DCC: variants seen among roughly 807,000 people sequenced by gnomAD.
The protein encoded by DCC is netrin receptor DCC.
DCC carries 58 observed loss-of-function variants against 172.5 expected under a neutral mutation model. The observed-to-expected ratio is 0.34, with a 90% CI of 0.27 to 0.42. DCC has a LOEUF of 0.42. Among genes scored for constraint, DCC ranks in the 10% least tolerant of loss-of-function variants. The pLI is 1.00. For synonymous variants in DCC, 709 were observed against 644.5 expected (o/e 1.10, Z -1.52); for missense variants, 1,740 against 1,791.0 (o/e 0.97, Z 0.51).
intron 1 of DCC, among the ~76,000 whole-genome samples, chr18:52,356,643 C>T (rs1984375907): frequency 6.6e-6 from 1 of 151,996 alleles, no homozygotes; most frequent in Non-Finnish European, 1.5e-5. Flanking sequence ...ATCTTTTATC[C>T]ATATTCATCT....
At chr18:53,161,425 C>T (rs2054837997) in intron 8 of DCC, among the ~76,000 whole-genome samples, 2 of 152,132 alleles carry the variant, frequency 1.3e-5, no homozygotes, top group Admixed American at 1.3e-4. Flanking sequence ...TTACTTTTTA[C>T]TCCCAATTTA....
At chr18:53,428,094 AAT>A (rs1370623796) in intron 21 of DCC, among the ~76,000 whole-genome samples, 2 of 15,812 alleles carry the variant, frequency 1.3e-4, no homozygotes, top group African/African-American at 5.5e-4. Flanking sequence ...AATAATATAT[AAT>A]ATATAATATA....
intron 1 of DCC, among the ~76,000 whole-genome samples, chr18:52,408,270 C>G (rs1290750272): frequency 2.0e-5 from 3 of 151,904 alleles, no homozygotes; most frequent in East Asian, 1.9e-4. Flanking sequence ...AGATTAGATT[C>G]AACACCAGTT....
intron 1 of DCC, among the ~76,000 whole-genome samples, chr18:52,706,337 A>G (rs553831617): frequency 6.6e-5 from 10 of 152,326 alleles, no homozygotes; most frequent in African/African-American, 2.4e-4. Flanking sequence ...GCTTTTCTCA[A>G]AAGAGGAATC....
In DCC at chr18:52,761,534, AC is replaced by A. The variant is rs2037159604; in HGVS notation, c.412+9161del. On this transcript the variant is annotated intron_variant, in intron 2 of 28. Transcript: ENST00000442544. ...ATCATGAAGTTAACATAAAACAATAACAATAAAACAACAATGATAAATATTT... is the reference window on the plus strand; with the variant it reads ...ATCATGAAGTTAACATAAAACAATAAAATAAAACAACAATGATAAATATTT... 5.3e-5 allele frequency among the ~76,000 whole-genome samples: 8 copies of A among 152,350 alleles called. No homozygotes were observed. The East Asian group carries it at 1.5e-3, about 29-fold the overall frequency.
intron 1 of DCC, among the ~76,000 whole-genome samples, chr18:52,701,474 T>C (rs952658941): frequency 6.6e-6 from 1 of 152,200 alleles, no homozygotes; most frequent in Non-Finnish European, 1.5e-5. Context: ...GTAAATACTG[T>C]AGTAAACTAT....
intron 1 of DCC, among the ~76,000 whole-genome samples, chr18:52,360,932 A>G (rs1984591038): frequency 6.6e-6 from 1 of 152,206 alleles, no homozygotes; most frequent in Non-Finnish European, 1.5e-5. Context: ...GGACCCATCT[A>G]TGAATGCACA....
intron 12 of DCC, among the ~76,000 whole-genome samples, chr18:53,246,070 G>A (rs1174127001): frequency 6.6e-6 from 1 of 152,004 alleles, no homozygotes; most frequent in African/African-American, 2.4e-5. Context: ...TTCTCCCTGA[G>A]ACTTGCAATC....
intron 2 of DCC, among the ~76,000 whole-genome samples, chr18:52,866,804 A>G (rs193271655): frequency 3.9e-5 from 6 of 152,282 alleles, no homozygotes; most frequent in Admixed American, 3.9e-4. Context: ...GGGTTTTCTA[A>G]ATACACAATC....
intron 1 of DCC, among the ~76,000 whole-genome samples, chr18:52,392,567 T>C (rs1986069952): frequency 6.6e-6 from 1 of 152,132 alleles, no homozygotes; most frequent in Non-Finnish European, 1.5e-5. Context: ...TAATGGGCAG[T>C]GCATTTTATT....
At position 53,009,851 on chromosome 18, in the gene DCC, C is replaced by T. The variant is rs182325315; in HGVS notation, c.986-53454C>T. Among the ~76,000 whole-genome samples, 7 of 152,052 alleles carry T rather than the reference C, an allele frequency of 4.6e-5. No homozygotes were observed. In the East Asian group the frequency reaches 1.4e-3, roughly 29 times the overall value. Reference sequence around the variant, plus strand: ...CTAACTCAATTGGAAAACCTCTGCCCTATTGGTTCTCCAAGACAATGGCAT... The same window carrying T: ...CTAACTCAATTGGAAAACCTCTGCCTTATTGGTTCTCCAAGACAATGGCAT... On this transcript the variant is annotated intron_variant, in intron 5 of 28. Coordinates refer to ENST00000442544, the MANE Select transcript of DCC (RefSeq NM_005215.4).
intron 1 of DCC, among the ~76,000 whole-genome samples, chr18:52,412,828 C>G (rs184025354): frequency 6.6e-6 from 1 of 152,196 alleles, no homozygotes; most frequent in East Asian, 1.9e-4. Context: ...GCAGCAGAAT[C>G]TTTTTTATTC....
chr18:52,879,412 C>CTTTGTTTTT (rs2039448421), intron 2 of DCC, among the ~76,000 whole-genome samples: 1 of 62,356 alleles, frequency 1.6e-5, no homozygotes, highest in Non-Finnish European at 2.9e-5. Context: ...TGTTGTTTGG[C>CTTTGTTTTT]TTTTTTTTTT....
intron 1 of DCC, among the ~76,000 whole-genome samples, chr18:52,341,186 T>C (rs192766452): frequency 7.7e-4 from 117 of 152,164 alleles, no homozygotes; most frequent in African/African-American, 2.6e-3. Context: ...GTGCTGGGGA[T>C]ATCGTTGAAA....
At chr18:53,175,609 C>A (rs1469606566) in intron 8 of DCC, among the ~76,000 whole-genome samples, 42 of 151,148 alleles carry the variant, frequency 2.8e-4, no homozygotes, top group South Asian at 1.5e-3. Context: ...ACCTAGGAAT[C>A]CAACTTACAA....
chr18:52,697,287 C>G (rs997470785), intron 1 of DCC, among the ~76,000 whole-genome samples: 3 of 152,184 alleles, frequency 2.0e-5, no homozygotes, highest in Non-Finnish European at 4.4e-5. Context: ...CACACACATG[C>G]AATGTGGAAG....
chr18:52,984,898 T>G (rs1259860607), intron 5 of DCC, among the ~76,000 whole-genome samples: 1 of 152,122 alleles, frequency 6.6e-6, no homozygotes, highest in Non-Finnish European at 1.5e-5. Flanking sequence ...GACTATGACT[T>G]TCCATTTTGC....
At chr18:52,640,921 A>T (rs1277247771) in intron 1 of DCC, among the ~76,000 whole-genome samples, 1 of 152,194 alleles carries the variant, frequency 6.6e-6, no homozygotes. Flanking sequence ...AACACTAAAC[A>T]AAAAGAACAA....
At chr18:52,698,764 ATTTTTTTT>A (rs34646550) in intron 1 of DCC, among the ~76,000 whole-genome samples, 1 of 134,182 alleles carries the variant, frequency 7.5e-6, no homozygotes, top group Non-Finnish European at 1.6e-5. Context: ...ACGCCTGGCT[ATTTTTTTT>A]TTTTTTTTTT....
Sources: allele counts gnomAD v4.1 joint callset (sites outside exome capture counted in the v4.1 genomes callset), GRCh38; gene constraint gnomAD v4.1.1; transcripts MANE v1.5; gene names NCBI Gene and HGNC (gene_info 2026-07-23, HGNC 2026-07-21).